Variants in IGF1R observed in about 807,000 individuals in gnomAD.
IGF1R encodes the protein insulin like growth factor 1 receptor.
IGF1R carries 44 observed loss-of-function variants against 144.6 expected under a neutral mutation model. That is an observed-to-expected ratio of 0.30 (90% CI 0.24 to 0.39). The LOEUF is 0.39. Ranked by LOEUF, IGF1R falls within the 10% of genes least tolerant of loss-of-function variation. IGF1R has a pLI of 1.00. For synonymous variants in IGF1R, 795 were observed against 722.8 expected (o/e 1.10, Z -1.60); for missense variants, 1,355 against 1,833.7 (o/e 0.74, Z 4.77).
rs2052285203 is a variant in IGF1R, at chr15:98,649,464, G to C, written c.-118G>C. On this transcript the variant is annotated 5_prime_UTR_variant, in exon 1 of 21. Transcript: ENST00000650285. ...TGTTTCCTTCGCCCTTGTTTTTGGA[G>C]GGGGAGCGAAGACTGAGTTTGAGAC... 1.4e-6 allele frequency: 1 copy of C among 720,840 alleles called. No homozygotes were observed. Among genetic ancestry groups the C allele is most frequent in the African/African-American group, 1.8e-5 (1 of 54,152 alleles). The allele number at this position is 720,840 out of a possible 1,614,324, so 44.7% of individuals were successfully genotyped here.
At chr15:98,885,894 G>T (rs565500694) in intron 2 of IGF1R, among the ~76,000 whole-genome samples, 1 of 149,002 alleles carries the variant, frequency 6.7e-6, no homozygotes, top group African/African-American at 2.5e-5. Flanking sequence ...TTGGCTCACT[G>T]CAACCTCCGC....
At position 98,648,993 on chromosome 15, in the gene IGF1R, CGGCGGCGCTGAGGGAGGA is replaced by C. The variant is rs891986395; in HGVS notation, c.-581_-564del. The C allele has an allele frequency of 1.4e-5, 3 of 215,124 alleles. No individual in the cohort carries two copies. The highest frequency in any genetic ancestry group is 7.0e-5 in the African/African-American group (3 of 42,936). The allele number at this position is 215,124 out of a possible 1,614,324, so 13.3% of individuals were successfully genotyped here. A position where few individuals can be genotyped will look rare whatever the true frequency, so the allele number is the denominator to read the frequency against. ...TTTGGGAAGGAGCTCGCCGCGGCGG[CGGCGGCGCTGAGGGAGGA>C]GGCGGCGGCGAGCGGAGCCAGGAGG... On this transcript the variant is annotated 5_prime_UTR_variant, in exon 1 of 21. Coordinates refer to ENST00000650285, the MANE Select transcript of IGF1R (RefSeq NM_000875.5).
At chr15:98,798,266 T>C (rs2056291690) in intron 2 of IGF1R, among the ~76,000 whole-genome samples, 1 of 151,674 alleles carries the variant, frequency 6.6e-6, no homozygotes, top group African/African-American at 2.4e-5. Context: ...TCAGAGAAGG[T>C]CTCTAGAGAG....
rs1227969720 is a variant in IGF1R, at chr15:98,934,927, T to C, written c.3060T>C (p.Gly1020=). 3 of 1,613,800 alleles carry C rather than the reference T, an allele frequency of 1.9e-6. No individual in the cohort carries two copies. In the African/African-American group the frequency reaches 4.0e-5, roughly 22 times the overall value. ...FGMVYEGVAK[G]VVKDEPETRV... ...TGGTCTATGAAGGAGTTGCCAAGGG[T>C]GTGGTGAAAGATGAACCTGAAACCA... The change falls in exon 16 of 21, where the codon GGT becomes GGC. Residue 1020 remains glycine, a synonymous_variant. Transcript: ENST00000650285.
At position 98,964,082 on chromosome 15, in the gene IGF1R, G is replaced by C. The variant is rs1323039133; in HGVS notation, c.*6640G>C. ...CTTTCTAAGCCAGTGAGGTTGAGGTGAGAGGTTTGCCAGAGTTTGTCTACC... is the reference window on the plus strand; with the variant it reads ...CTTTCTAAGCCAGTGAGGTTGAGGTCAGAGGTTTGCCAGAGTTTGTCTACC... On this transcript the variant is annotated 3_prime_UTR_variant, in exon 21 of 21. Transcript: ENST00000650285. 2 of 233,300 alleles carry C rather than the reference G, an allele frequency of 8.6e-6. No individual in the cohort carries two copies. The highest frequency in any genetic ancestry group is 1.7e-5 in the Non-Finnish European group (2 of 117,824). The allele number at this position is 233,300 out of a possible 1,614,324, so 14.5% of individuals were successfully genotyped here.
At chr15:98,927,988 CTTAGCTCA>C (rs2151699370) in intron 13 of IGF1R, among the ~76,000 whole-genome samples, 1 of 152,290 alleles carries the variant, frequency 6.6e-6, no homozygotes, top group East Asian at 1.9e-4. Flanking sequence ...TCCTTTGCTC[CTTAGCTCA>C]GTCAGTGGTC....
chr15:98,911,785 A>T lies in IGF1R; in HGVS notation c.1589+344A>T, dbSNP rs145454801. ...CTCATGAACGATGATGGGGGACTTC[A>T]CTGAAATATCGTTTCAGCCTCCTTA... is the stretch of plus-strand genomic sequence containing the variant. On this transcript the variant is annotated intron_variant, in intron 7 of 20. Transcript: ENST00000650285. Among the ~76,000 whole-genome samples the T allele has an allele frequency of 3.8e-3, 572 of 152,304 alleles. 1 individual carries two copies. The highest frequency in any genetic ancestry group is 0.014 in the Middle Eastern group (4 of 294).
chr15:98,762,241 T>TTC (rs1217955497), intron 2 of IGF1R, among the ~76,000 whole-genome samples: 20 of 126,922 alleles, frequency 1.6e-4, no homozygotes, highest in African/African-American at 6.0e-4. Context: ...TTCTTTTCTT[T>TTC]TTTTTTTTTT....
chr15:98,915,995 A>T lies in IGF1R; in HGVS notation c.1860A>T (p.Ala620=), dbSNP rs1449553605. Residue 620 remains alanine (A), a synonymous_variant, in exon 9 of 21, where the codon GCA becomes GCT. Coordinates refer to ENST00000650285, the MANE Select transcript of IGF1R (RefSeq NM_000875.5). ...CCATTCCCTTGGACGTTCTTTCAGC[A>T]TCGAACTCCTCTTCTCAGTTAATCG... ...VPSIPLDVLS[A]SNSSSQLIVK... 1.9e-6 allele frequency: 3 copies of T among 1,613,954 alleles called. No homozygotes were observed. Among genetic ancestry groups the T allele is most frequent in the Non-Finnish European group, 1.7e-6 (2 of 1,179,990 alleles).
chr15:98,936,526 C>T (rs748723804), intron 17 of IGF1R, among the ~76,000 whole-genome samples: 2 of 152,002 alleles, frequency 1.3e-5, no homozygotes, highest in Non-Finnish European at 2.9e-5. Context: ...ACTGGGTAAG[C>T]AGTGTGTCTG....
chr15:98,786,772 G>T (rs74034205), intron 2 of IGF1R, among the ~76,000 whole-genome samples: 16 of 152,168 alleles, frequency 1.1e-4, no homozygotes, highest in East Asian at 1.9e-4. Context: ...CTGGGCCAGT[G>T]TCTGGTCACA....
chr15:98,795,428 G>GTTTTT, intron 2 of IGF1R, among the ~76,000 whole-genome samples: 1 of 151,896 alleles, frequency 6.6e-6, no homozygotes, highest in African/African-American at 2.4e-5. Context: ...GTTTTGTTTT[G>GTTTTT]TTTTGAGATG....
At chr15:98,895,237 C>T (rs939658566) in intron 3 of IGF1R, among the ~76,000 whole-genome samples, 1 of 60,194 alleles carries the variant, frequency 1.7e-5, no homozygotes, top group South Asian at 8.0e-4. Context: ...CACACACACA[C>T]ACACACACAC....
At chr15:98,764,417 A>G (rs528607868) in intron 2 of IGF1R, among the ~76,000 whole-genome samples, 120 of 152,332 alleles carry the variant, frequency 7.9e-4, no homozygotes, top group Non-Finnish European at 1.5e-3. Flanking sequence ...GTGCTAAAAT[A>G]ATTAACCTTC....
chr15:98,846,896 C>G, intron 2 of IGF1R, among the ~76,000 whole-genome samples: 1 of 152,124 alleles, frequency 6.6e-6, no homozygotes, highest in Non-Finnish European at 1.5e-5. Flanking sequence ...TGAAAATGAC[C>G]CAGGAATTCC....
At chr15:98,685,588 G>T (rs1292794158) in intron 1 of IGF1R, among the ~76,000 whole-genome samples, 1 of 152,184 alleles carries the variant, frequency 6.6e-6, no homozygotes, top group Non-Finnish European at 1.5e-5. Context: ...TTCCACGACT[G>T]GCTCAGACCA....
chr15:98,949,176 G>A (rs2016675314), intron 20 of IGF1R, among the ~76,000 whole-genome samples: 1 of 152,208 alleles, frequency 6.6e-6, no homozygotes, highest in Non-Finnish European at 1.5e-5. Flanking sequence ...ACTCCGGCAT[G>A]CACCACGTAG....
At chr15:98,713,751 G>C (rs2054051175) in intron 2 of IGF1R, among the ~76,000 whole-genome samples, 1 of 152,060 alleles carries the variant, frequency 6.6e-6, no homozygotes, top group Non-Finnish European at 1.5e-5. Context: ...TTCATTTCAG[G>C]TGCAGATGCC....
At chr15:98,924,824 G>A (rs1336756401) in intron 13 of IGF1R, 140 bp downstream of exon 13, 37 of 807,646 alleles carry the variant, frequency 4.6e-5, no homozygotes, top group Non-Finnish European at 7.4e-5. Context: ...ATGCTAAGGT[G>A]CCGGCACATA....
Sources: allele counts gnomAD v4.1 joint callset (sites outside exome capture counted in the v4.1 genomes callset), GRCh38; gene constraint gnomAD v4.1.1; transcripts MANE v1.5; gene names NCBI Gene and HGNC (gene_info 2026-07-23, HGNC 2026-07-21).